TBC1D31: variants seen among roughly 807,000 people sequenced by gnomAD.
TBC1D31 encodes the protein WD repeat domain 67.
A neutral mutation model predicts 132.9 loss-of-function variants in TBC1D31; 99 were observed. The ratio of observed to expected loss-of-function variants is 0.74; its 90% CI spans 0.63 to 0.88. The LOEUF is 0.88. Ranked by LOEUF, TBC1D31 falls within the 40% of genes least tolerant of loss-of-function variation. The probability of loss-of-function intolerance (pLI) is 0.00; values close to 1 mark genes in which losing one functional copy is unlikely to be tolerated. For missense variants in TBC1D31, 1,134 were observed against 1,256.6 expected, an observed-to-expected ratio of 0.90 and a Z score of 1.48; for synonymous variants, 385 against 419.4, an observed-to-expected ratio of 0.92 and a Z score of 1.00.
intron 16 of TBC1D31, 122 bp from the exon 17 acceptor site, chr8:123,133,992 A>AAACC (rs1397705717): frequency 1.6e-6 from 1 of 620,416 alleles, no homozygotes; most frequent in African/African-American, 1.9e-5. Flanking sequence ...CTGGTTTCAA[A>AAACC]AACCCAGTTG....
chr8:123,092,128 C>T (rs1816386797), intron 4 of TBC1D31, among the ~76,000 whole-genome samples: 1 of 152,100 alleles, frequency 6.6e-6, no homozygotes, highest in Admixed American at 6.6e-5. Flanking sequence ...GATTCTCATG[C>T]CTCAGCCTCT....
chr8:123,131,774 C>T (rs1350556523), intron 16 of TBC1D31, among the ~76,000 whole-genome samples: 2 of 150,914 alleles, frequency 1.3e-5, no homozygotes, highest in East Asian at 1.9e-4. Flanking sequence ...TGTTTTAAGT[C>T]TGTAAGAGTA....
chr8:123,100,933 T>C lies in TBC1D31; in HGVS notation c.958T>C (p.Tyr320His). The C allele has an allele frequency of 6.2e-7, 1 of 1,614,098 alleles. No individual in the cohort carries two copies. Among genetic ancestry groups the C allele is most frequent in the Non-Finnish European group, 8.5e-7 (1 of 1,179,968 alleles). ...SSSAISPHGR[Y>H]IASIMENGSL... Reference sequence around the variant, plus strand: ...ATCAGCAATTAGCCCACATGGACGGTACATTGCATCTATTATGGAAAATGG... The same window carrying C: ...ATCAGCAATTAGCCCACATGGACGGCACATTGCATCTATTATGGAAAATGG... Residue 320 changes from tyrosine (Y) to histidine (H), a missense_variant, in exon 7 of 22, where the codon TAC (tyrosine) becomes CAC (histidine). Transcript: ENST00000287380.
chr8:123,092,970 C>A (rs766627807), intron 4 of TBC1D31, among the ~76,000 whole-genome samples: 13 of 152,018 alleles, frequency 8.6e-5, no homozygotes, highest in Non-Finnish European at 1.5e-4. Context: ...TGCCACCATG[C>A]CTGAGTAATT....
intron 2 of TBC1D31, 75 bp downstream of exon 2, chr8:123,077,332 A>G: frequency 1.5e-6 from 2 of 1,362,766 alleles, no homozygotes; most frequent in East Asian, 2.4e-5. Context: ...CCTGCTATTC[A>G]TTATTCATTC....
intron 6 of TBC1D31, among the ~76,000 whole-genome samples, chr8:123,099,098 A>G (rs898382998): frequency 6.6e-6 from 1 of 151,006 alleles, no homozygotes; most frequent in Non-Finnish European, 1.5e-5. Context: ...TTTTTATTAC[A>G]TTTTTTTTTG....
intron 21 of TBC1D31, among the ~76,000 whole-genome samples, chr8:123,151,491 A>G (rs1822768168): frequency 6.6e-6 from 1 of 152,184 alleles, no homozygotes; most frequent in Admixed American, 6.5e-5. Flanking sequence ...ACTATTAAGC[A>G]TCATTGTGAG....
At chr8:123,074,324 AAT>A (rs1814256220) in intron 1 of TBC1D31, among the ~76,000 whole-genome samples, 2 of 152,114 alleles carry the variant, frequency 1.3e-5, no homozygotes, top group Admixed American at 1.3e-4. Flanking sequence ...CTGGCCGACA[AAT>A]CAGTTTTAAG....
rs1355096154 is a variant in TBC1D31, at chr8:123,084,226, T to C, written c.405T>C (p.His135=). ...CATCAGTATTTTCGATCTCTGTGCA[T>C]GCATCAGGGAAATATGCCATCACAA... ...HESSVFSISV[H]ASGKYAITTS... is the part of the protein sequence containing the mutation. The change falls in exon 4 of 22, where the codon CAT becomes CAC. Residue 135 remains histidine, a synonymous_variant. Coordinates refer to ENST00000287380, the MANE Select transcript of TBC1D31 (RefSeq NM_145647.4). 2 of 1,614,182 alleles carry C rather than the reference T, an allele frequency of 1.2e-6. No individual in the cohort carries two copies. Among genetic ancestry groups the C allele is most frequent in the South Asian group, 2.2e-5 (2 of 91,088 alleles).
intron 6 of TBC1D31, among the ~76,000 whole-genome samples, chr8:123,098,121 A>C (rs1036098985): frequency 3.3e-5 from 5 of 152,066 alleles, no homozygotes; most frequent in South Asian, 2.1e-4. Flanking sequence ...CATTTTACTT[A>C]CTTTTTGATT....
chr8:123,160,655 T>G, the TBC1D31 span, among the ~76,000 whole-genome samples: 11,607 of 152,068 alleles, frequency 0.076, 527 homozygotes, highest in East Asian at 0.13. Flanking sequence ...AGGTTTCGGC[T>G]TTTTCCAAAT....
intron 2 of TBC1D31, 121 bp downstream of exon 2, chr8:123,077,378 C>G: frequency 9.9e-7 from 1 of 1,014,694 alleles, no homozygotes; most frequent in Non-Finnish European, 1.4e-6. Context: ...ATTTCAGGTA[C>G]CTTGCAAAAT....
In TBC1D31 at chr8:123,082,715, C is replaced by G; in HGVS notation, c.238C>G (p.Gln80Glu). 6.2e-7 allele frequency: 1 copy of G among 1,609,300 alleles called. No homozygotes were observed. Among genetic ancestry groups the G allele is most frequent in the Non-Finnish European group, 8.5e-7 (1 of 1,178,766 alleles). Residue 80 changes from glutamine (Q) to glutamate (E), a missense_variant, in exon 3 of 22, where the codon CAG becomes GAG. Transcript: ENST00000287380. Reference sequence around the variant, plus strand: ...ATCTCTTAATAGGTTCAATCTTGTTCAGCGAACAGCACAAGCTTGCACAGC... The same window carrying G: ...ATCTCTTAATAGGTTCAATCTTGTTGAGCGAACAGCACAAGCTTGCACAGC... ...DLHGNRFNLV[Q>E]RTAQACTALA...
intron 10 of TBC1D31, among the ~76,000 whole-genome samples, chr8:123,118,508 G>A (rs1819167382): frequency 6.6e-6 from 1 of 152,150 alleles, no homozygotes; most frequent in Non-Finnish European, 1.5e-5. Context: ...ATATCCAGAA[G>A]AGGTTGATAA....
intron 18 of TBC1D31, among the ~76,000 whole-genome samples, chr8:123,141,962 G>A (rs1470661903): frequency 7.2e-6 from 1 of 138,006 alleles, no homozygotes; most frequent in Non-Finnish European, 1.5e-5. Flanking sequence ...CTGGGTTCAA[G>A]CAATTATCCT....
chr8:123,111,209 T>A (rs1316872733), intron 10 of TBC1D31, among the ~76,000 whole-genome samples: 1 of 151,712 alleles, frequency 6.6e-6, no homozygotes, highest in Non-Finnish European at 1.5e-5. Flanking sequence ...CTTTTCGTGA[T>A]GTTGTCCATT....
intron 10 of TBC1D31, among the ~76,000 whole-genome samples, chr8:123,112,343 A>G (rs1818529307): frequency 6.6e-6 from 1 of 152,208 alleles, no homozygotes; most frequent in South Asian, 2.1e-4. Context: ...AATCAAATCT[A>G]CAAAATAAGG....
intron 6 of TBC1D31, 157 bp downstream of exon 6, chr8:123,097,598 A>G: frequency 2.4e-6 from 2 of 849,318 alleles, no homozygotes; most frequent in Non-Finnish European, 3.3e-6. Context: ...GATTGAAAAA[A>G]ATTTCAAAAT....
the TBC1D31 span, among the ~76,000 whole-genome samples, chr8:123,162,876 A>G: frequency 4.0e-5 from 6 of 151,830 alleles, no homozygotes; most frequent in African/African-American, 1.5e-4. Context: ...TCTGTTGCCC[A>G]GGTTGGAGTG....
Sources: allele counts gnomAD v4.1 joint callset (sites outside exome capture counted in the v4.1 genomes callset), GRCh38; gene constraint gnomAD v4.1.1; transcripts MANE v1.5; gene names NCBI Gene and HGNC (gene_info 2026-07-23, HGNC 2026-07-21).